CPQ: variants seen among roughly 807,000 people sequenced by gnomAD.
The protein encoded by CPQ is Ser-Met dipeptidase.
CPQ carries 37 observed loss-of-function variants against 45.7 expected under a neutral mutation model. That is an observed-to-expected ratio of 0.81 (90% CI 0.62 to 1.07). CPQ has a LOEUF of 1.07. Ranked by LOEUF, CPQ falls within the 50% of genes least tolerant of loss-of-function variation. The pLI is 0.00. For missense variants in CPQ, 537 were observed against 572.9 expected (o/e 0.94, Z 0.64); for synonymous variants, 186 against 205.8 (o/e 0.90, Z 0.82).
chr8:96,864,615 G>T (rs571862647), intron 3 of CPQ, among the ~76,000 whole-genome samples: 230 of 88,134 alleles, frequency 2.6e-3, no homozygotes, highest in African/African-American at 0.013. Context: ...ACCCAAAAGG[G>T]TCACAAACCA....
chr8:96,655,803 A>G (rs1450353340), intron 1 of CPQ, among the ~76,000 whole-genome samples: 1 of 152,222 alleles, frequency 6.6e-6, no homozygotes, highest in Non-Finnish European at 1.5e-5. Flanking sequence ...GTAAAGTTGT[A>G]TAGTTGTAAG....
intron 4 of CPQ, among the ~76,000 whole-genome samples, chr8:96,896,809 A>T (rs1812448788): frequency 6.6e-6 from 1 of 152,218 alleles, no homozygotes; most frequent in Admixed American, 6.5e-5. Context: ...AAATGAATGA[A>T]TGAACATGAA....
rs1024531675 is a variant in CPQ at position 97,070,048 on chromosome 8, A to T, written c.1255+3838A>T. Among the ~76,000 whole-genome samples the T allele has an allele frequency of 1.2e-4, 19 of 152,232 alleles. 1 individual carries two copies. The highest frequency in any genetic ancestry group is 4.6e-4 in the African/African-American group (19 of 41,468). ...ACAGAATAACTGTCAACATTAATAT[A>T]AGGCTTTGGGGAAAAAAGATTTTCT... On this transcript the variant is annotated intron_variant, in intron 7 of 7. Coordinates refer to ENST00000220763, the MANE Select transcript of CPQ (RefSeq NM_016134.4).
chr8:96,691,523 CA>C (rs1809305011), intron 1 of CPQ, among the ~76,000 whole-genome samples: 2 of 151,180 alleles, frequency 1.3e-5, no homozygotes, highest in African/African-American at 4.8e-5. Flanking sequence ...ATACATTTAA[CA>C]GTTATATATA....
intron 4 of CPQ, among the ~76,000 whole-genome samples, chr8:96,953,066 A>T (rs1813293773): frequency 6.6e-6 from 1 of 152,128 alleles, no homozygotes; most frequent in African/African-American, 2.4e-5. Context: ...TAGTAGTATA[A>T]TATAATGTTA....
intron 1 of CPQ, among the ~76,000 whole-genome samples, chr8:96,775,433 C>G (rs1810593089): frequency 6.6e-6 from 1 of 152,066 alleles, no homozygotes; most frequent in African/African-American, 2.4e-5. Flanking sequence ...AAGTCAGATT[C>G]TTGCACGGTG....
chr8:97,082,348 C>G (rs1810964288), intron 7 of CPQ, among the ~76,000 whole-genome samples: 1 of 151,916 alleles, frequency 6.6e-6, no homozygotes, highest in African/African-American at 2.4e-5. Context: ...CCTATCTGAC[C>G]CGGTTGGAAA....
chr8:97,116,327 A>T (rs1277268406), intron 7 of CPQ, among the ~76,000 whole-genome samples: 1 of 152,204 alleles, frequency 6.6e-6, no homozygotes, highest in Non-Finnish European at 1.5e-5. Context: ...TTCAGACTCT[A>T]AAATAAGAGC....
intron 4 of CPQ, among the ~76,000 whole-genome samples, chr8:96,914,249 A>C (rs1440454694): frequency 1.3e-5 from 2 of 152,204 alleles, no homozygotes; most frequent in Admixed American, 1.3e-4. Flanking sequence ...AGCTATAAAA[A>C]GGCAAGGGTG....
intron 4 of CPQ, among the ~76,000 whole-genome samples, chr8:96,959,482 A>T (rs546837906): frequency 6.6e-6 from 1 of 151,724 alleles, no homozygotes; most frequent in East Asian, 1.9e-4. Flanking sequence ...CCTGTTAGTC[A>T]TTTTTTTTAA....
intron 5 of CPQ, among the ~76,000 whole-genome samples, chr8:96,993,502 A>T (rs994320207): frequency 2.0e-5 from 3 of 152,190 alleles, no homozygotes; most frequent in Non-Finnish European, 2.9e-5. Flanking sequence ...TCATTTTAAA[A>T]TAATTAGATA....
chr8:96,954,571 A>G (rs1813322283), intron 4 of CPQ, among the ~76,000 whole-genome samples: 1 of 152,024 alleles, frequency 6.6e-6, no homozygotes, highest in Non-Finnish European at 1.5e-5. Flanking sequence ...TAAGTTTTAA[A>G]AATTACCTTG....
chr8:96,759,710 A>G (rs577535453), intron 1 of CPQ, among the ~76,000 whole-genome samples: 33 of 152,270 alleles, frequency 2.2e-4, no homozygotes, highest in Non-Finnish European at 2.4e-4. Flanking sequence ...GACTTGTCCA[A>G]AGTCATGCAG....
intron 4 of CPQ, among the ~76,000 whole-genome samples, chr8:96,961,791 C>T (rs918984612): frequency 1.3e-5 from 2 of 152,200 alleles, no homozygotes; most frequent in African/African-American, 4.8e-5. Flanking sequence ...TGAAGGAAAC[C>T]ATGACTGAAT....
chr8:96,988,681 C>G (rs1193822356), intron 5 of CPQ, among the ~76,000 whole-genome samples: 1 of 152,110 alleles, frequency 6.6e-6, no homozygotes, highest in African/African-American at 2.4e-5. Flanking sequence ...AGACTTCGGT[C>G]GTTCTGCTTC....
chr8:96,646,574 T>C (rs987019886), intron 1 of CPQ, among the ~76,000 whole-genome samples: 3 of 152,222 alleles, frequency 2.0e-5, no homozygotes, highest in Non-Finnish European at 2.9e-5. Context: ...CAAATAGGCT[T>C]AGCACATAGC....
intron 6 of CPQ, among the ~76,000 whole-genome samples, chr8:97,044,894 A>G (rs569199539): frequency 6.6e-6 from 1 of 152,214 alleles, no homozygotes; most frequent in East Asian, 1.9e-4. Context: ...GTCTGCCCCT[A>G]CTGGGGGGTG....
intron 1 of CPQ, among the ~76,000 whole-genome samples, chr8:96,775,229 T>C (rs12550571): frequency 0.042 from 6,414 of 152,262 alleles, 176 homozygotes; most frequent in Middle Eastern, 0.099. Flanking sequence ...CAATTCCTCT[T>C]TTTTAAAAAC....
intron 7 of CPQ, among the ~76,000 whole-genome samples, chr8:97,088,620 A>G (rs1214317607): frequency 6.6e-6 from 1 of 152,204 alleles, no homozygotes; most frequent in Non-Finnish European, 1.5e-5. Flanking sequence ...TTTAAATGCT[A>G]CAGTAGCTGA....
Sources: allele counts gnomAD v4.1 joint callset (sites outside exome capture counted in the v4.1 genomes callset), GRCh38; gene constraint gnomAD v4.1.1; transcripts MANE v1.5; gene names NCBI Gene and HGNC (gene_info 2026-07-23, HGNC 2026-07-21).